PDE3B: variants seen among roughly 807,000 people sequenced by gnomAD.
The protein encoded by PDE3B is cGMP-inhibited 3',5'-cyclic phosphodiesterase 3B.
PDE3B carries 66 observed loss-of-function variants against 116.8 expected under a neutral mutation model. The ratio of observed to expected loss-of-function variants is 0.56; its 90% CI spans 0.46 to 0.69. PDE3B has a LOEUF of 0.69. Ranked by LOEUF, PDE3B falls within the 30% of genes least tolerant of loss-of-function variation. The pLI is 0.00. For missense variants in PDE3B, 1,384 were observed against 1,368.1 expected (o/e 1.01, Z -0.18); for synonymous variants, 595 against 533.6 (o/e 1.12, Z -1.59).
the PDE3B span, chr11:14,877,812 G>C: frequency 7.4e-6 from 2 of 268,858 alleles, no homozygotes; most frequent in Non-Finnish European, 1.4e-5. Flanking sequence ...AAGAAGGGAT[G>C]AAAGTACCTG....
At position 14,742,815 on chromosome 11, in the gene PDE3B, C is replaced by G. The variant is rs577820155; in HGVS notation, c.979-29122C>G. On this transcript the variant is annotated intron_variant, in intron 1 of 15. Coordinates refer to ENST00000282096, the MANE Select transcript of PDE3B (RefSeq NM_000922.4). The stretch of plus-strand genomic sequence containing the variant: ...GCTTGTTAGTTTTCCTTCTGACAGT[C>G]AGGCCCCTATGCTGCAGGTCTGCTG... 3.3e-5 allele frequency among the ~76,000 whole-genome samples: 5 copies of G among 152,202 alleles called. No individual in the cohort carries two copies. In the South Asian group the frequency reaches 1.0e-3, roughly 32 times the overall value.
intron 1 of PDE3B, among the ~76,000 whole-genome samples, chr11:14,694,187 G>A (rs1855133191): frequency 6.6e-6 from 1 of 152,148 alleles, no homozygotes; most frequent in Admixed American, 6.5e-5. Context: ...TTCTTGAGAT[G>A]GAATCTACTT....
intron 1 of PDE3B, among the ~76,000 whole-genome samples, chr11:14,736,994 G>A (rs1431225786): frequency 6.6e-6 from 1 of 152,100 alleles, no homozygotes; most frequent in East Asian, 1.9e-4. Flanking sequence ...TACTAGCTGT[G>A]CAACATTGAG....
chr11:14,864,700 C>A (rs782385602), intron 14 of PDE3B, among the ~76,000 whole-genome samples: 1 of 152,104 alleles, frequency 6.6e-6, no homozygotes, highest in Non-Finnish European at 1.5e-5. Context: ...TGAATGACTA[C>A]TGGGTAAATA....
intron 11 of PDE3B, among the ~76,000 whole-genome samples, chr11:14,835,695 A>G (rs1860032128): frequency 1.3e-5 from 2 of 152,298 alleles, no homozygotes; most frequent in East Asian, 3.9e-4. Flanking sequence ...CTGGTGACTC[A>G]TGCCTATAAT....
At chr11:14,654,605 CTG>C (rs1390832801) in intron 1 of PDE3B, among the ~76,000 whole-genome samples, 1 of 152,122 alleles carries the variant, frequency 6.6e-6, no homozygotes, top group Non-Finnish European at 1.5e-5. Flanking sequence ...TAAACAAACA[CTG>C]TTATTATAAG....
intron 1 of PDE3B, chr11:14,673,655 C>A (rs1210049134): frequency 2.9e-6 from 2 of 697,228 alleles, no homozygotes; most frequent in South Asian, 2.7e-5. Context: ...TTGTAGAATT[C>A]TTTGCCAGGT....
chr11:14,691,828 T>G (rs910896875), intron 1 of PDE3B, among the ~76,000 whole-genome samples: 1 of 152,214 alleles, frequency 6.6e-6, no homozygotes, highest in African/African-American at 2.4e-5. Flanking sequence ...GAAAGCCAGG[T>G]AGGACACTTA....
At chr11:14,800,467 A>G (rs1858717352) in intron 4 of PDE3B, among the ~76,000 whole-genome samples, 1 of 151,750 alleles carries the variant, frequency 6.6e-6, no homozygotes. Context: ...TCCATCTCAA[A>G]AAAGAATACT....
chr11:14,891,398 G>C, the PDE3B span: 1 of 985,736 alleles, frequency 1.0e-6, no homozygotes, highest in Non-Finnish European at 1.2e-6. Flanking sequence ...GCGGATTTTA[G>C]TCATCAATTC....
intron 12 of PDE3B, among the ~76,000 whole-genome samples, chr11:14,845,238 TG>T (rs1203210172): frequency 6.6e-6 from 1 of 151,902 alleles, no homozygotes; most frequent in Non-Finnish European, 1.5e-5. Context: ...GGGTCTGGAG[TG>T]CACCTCTAGC....
chr11:14,770,346 G>C (rs1459416591), intron 1 of PDE3B, among the ~76,000 whole-genome samples: 1 of 151,412 alleles, frequency 6.6e-6, no homozygotes, highest in African/African-American at 2.4e-5. Flanking sequence ...CAAAGAAGCT[G>C]ACAGGCTAAA....
At chr11:14,845,024 A>G (rs1489468883) in intron 12 of PDE3B, among the ~76,000 whole-genome samples, 4 of 152,204 alleles carry the variant, frequency 2.6e-5, no homozygotes, top group Admixed American at 2.6e-4. Flanking sequence ...GAGAACGGGC[A>G]GACTGCCTCC....
rs531288755 is a variant in PDE3B at position 14,663,273 on chromosome 11, C to T, written c.978+18220C>T. 3.6e-3 allele frequency among the ~76,000 whole-genome samples: 553 copies of T among 152,176 alleles called. 3 individuals carry two copies. Among genetic ancestry groups the T allele is most frequent in the African/African-American group, 0.012 (501 of 41,492 alleles). On this transcript the variant is annotated intron_variant, in intron 1 of 15. Transcript: ENST00000282096. Reference sequence around the variant, plus strand: ...AAGCAAATGCTGAGAGATTTTGTCACCACCAGGCCTGCCCTAAAAGAGCTC... The same window carrying T: ...AAGCAAATGCTGAGAGATTTTGTCATCACCAGGCCTGCCCTAAAAGAGCTC...
rs527878324 is a variant in PDE3B, at chr11:14,681,937, C to G, written c.978+36884C>G. Among the ~76,000 whole-genome samples the G allele has an allele frequency of 9.9e-5, 15 of 152,242 alleles. No individual in the cohort carries two copies. In the East Asian group the frequency reaches 2.9e-3, roughly 29 times the overall value. On this transcript the variant is annotated intron_variant, in intron 1 of 15. Coordinates refer to ENST00000282096, the MANE Select transcript of PDE3B (RefSeq NM_000922.4). ...TCCCCCAAACCTAACTACTGATAGC[C>G]TGCTGTTGACTGGAAGCCTTACCAT...
intron 13 of PDE3B, among the ~76,000 whole-genome samples, chr11:14,859,691 G>A (rs956197944): frequency 3.3e-5 from 5 of 152,148 alleles, no homozygotes; most frequent in Non-Finnish European, 5.9e-5. Context: ...TTATATTAGT[G>A]ATTCTTTAGC....
At chr11:14,717,920 A>G (rs1855960187) in intron 1 of PDE3B, among the ~76,000 whole-genome samples, 2 of 143,298 alleles carry the variant, frequency 1.4e-5, no homozygotes, top group African/African-American at 5.2e-5. Flanking sequence ...ACACATAACA[A>G]TATTAACTTT....
At chr11:14,796,885 A>G (rs1338619315) in intron 4 of PDE3B, among the ~76,000 whole-genome samples, 2 of 152,158 alleles carry the variant, frequency 1.3e-5, no homozygotes, top group African/African-American at 2.4e-5. Flanking sequence ...GCATTGGTCA[A>G]TGTTGCCTTT....
At chr11:14,780,755 A>G (rs1857965547) in intron 2 of PDE3B, among the ~76,000 whole-genome samples, 2 of 152,244 alleles carry the variant, frequency 1.3e-5, no homozygotes, top group Admixed American at 6.5e-5. Context: ...AATTAAAAGA[A>G]CAAGAGAAGC....
Sources: gnomAD v4.1 joint callset for allele counts (sites outside exome capture counted in the v4.1 genomes callset) on GRCh38, gnomAD v4.1.1 for gene constraint, MANE v1.5 for transcripts, NCBI Gene and HGNC (gene_info 2026-07-23, HGNC 2026-07-21) for gene names.